Variants in MKLN1 observed in about 807,000 individuals in gnomAD.
MKLN1 encodes muskelin 1.
Under a neutral mutation model 99.0 loss-of-function variants are expected in MKLN1, and 18 were observed. The ratio of observed to expected loss-of-function variants is 0.18; its 90% CI spans 0.13 to 0.27. The LOEUF (loss-of-function observed/expected upper bound fraction) is 0.27. MKLN1 is among the 10% of genes least tolerant of loss of function. The pLI is 1.00. For synonymous variants in MKLN1, 288 were observed against 293.2 expected, an observed-to-expected ratio of 0.98 and a Z score of 0.18; for missense variants, 621 against 875.9, an observed-to-expected ratio of 0.71 and a Z score of 3.67.
At chr7:131,194,192 A>AT (rs1256860471) in intron 2 of MKLN1, among the ~76,000 whole-genome samples, 1 of 152,006 alleles carries the variant, frequency 6.6e-6, no homozygotes, top group Non-Finnish European at 1.5e-5. Flanking sequence ...CATTTAGTAT[A>AT]TTTACAACAT....
rs1268119508 is a variant in MKLN1 at position 131,489,194 on chromosome 7, G to A, written c.*1466G>A. The A allele has an allele frequency of 1.3e-5, 2 of 152,064 alleles. No individual in the cohort carries two copies. Among genetic ancestry groups the A allele is most frequent in the African/African-American group, 4.8e-5 (2 of 41,420 alleles). 9.4% of individuals were successfully genotyped at this position (152,064 alleles called of 1,614,324 possible). On this transcript the variant is annotated 3_prime_UTR_variant, in exon 18 of 18. Transcript: ENST00000352689. ...ACCATGTATAGGAATGAAACATTGA[G>A]GTCCCACTTTATTCTGTCTTTAGTA...
At chr7:131,146,123 A>T (rs895671330) in intron 2 of MKLN1, among the ~76,000 whole-genome samples, 1 of 152,204 alleles carries the variant, frequency 6.6e-6, no homozygotes, top group African/African-American at 2.4e-5. Context: ...ACACCTTGGT[A>T]CAAAGCAGAT....
chr7:131,449,721 T>A (rs1796123778), intron 12 of MKLN1, among the ~76,000 whole-genome samples: 1 of 152,090 alleles, frequency 6.6e-6, no homozygotes, highest in East Asian at 1.9e-4. Context: ...TTTTCCCATG[T>A]CCCTTTTACT....
chr7:131,406,484 T>G (rs1794711017), intron 6 of MKLN1, among the ~76,000 whole-genome samples: 1 of 152,058 alleles, frequency 6.6e-6, no homozygotes, highest in South Asian at 2.1e-4. Flanking sequence ...TCTATTGTTG[T>G]CATTTATTTT....
rs535391744 is a variant in MKLN1 at position 131,451,286 on chromosome 7, G to A, written c.1525+5383G>A. ...AGATTTTTTACTACAGTTAATTACT[G>A]TAATTTGAGATGGACTTAACATATA... is the stretch of plus-strand genomic sequence containing the variant. On this transcript the variant is annotated intron_variant, in intron 12 of 17. Coordinates refer to ENST00000352689, the MANE Select transcript of MKLN1 (RefSeq NM_013255.5). 9.2e-5 allele frequency among the ~76,000 whole-genome samples: 14 copies of A among 152,014 alleles called. No homozygotes were observed. In the South Asian group the frequency reaches 2.1e-3, roughly 23 times the overall value.
intron 3 of MKLN1, among the ~76,000 whole-genome samples, chr7:131,215,835 C>T (rs1463739312): frequency 6.6e-6 from 1 of 152,154 alleles, no homozygotes; most frequent in African/African-American, 2.4e-5. Context: ...ATCATTCCTT[C>T]ATGTAAAGCC....
intron 3 of MKLN1, among the ~76,000 whole-genome samples, chr7:131,212,568 T>C (rs945678786): frequency 1.4e-4 from 21 of 152,208 alleles, no homozygotes; most frequent in Non-Finnish European, 8.8e-5. Context: ...ACATCTTCAT[T>C]ATAAAATATT....
intron 3 of MKLN1, among the ~76,000 whole-genome samples, chr7:131,281,183 A>T (rs1798045712): frequency 6.6e-6 from 1 of 150,640 alleles, no homozygotes; most frequent in Admixed American, 6.6e-5. Flanking sequence ...TCATGCATTT[A>T]GGCCTATGAT....
At chr7:131,169,759 T>C (rs1292616161) in intron 2 of MKLN1, among the ~76,000 whole-genome samples, 1 of 152,242 alleles carries the variant, frequency 6.6e-6, no homozygotes, top group Non-Finnish European at 1.5e-5. Flanking sequence ...TTCCATTTAA[T>C]AACTCATTTA....
At chr7:131,373,131 T>TA (rs1236169668) in intron 1 of MKLN1, among the ~76,000 whole-genome samples, 5 of 152,060 alleles carry the variant, frequency 3.3e-5, no homozygotes, top group Non-Finnish European at 5.9e-5. Flanking sequence ...CCTGAAAAGT[T>TA]ACATTAATTT....
intron 1 of MKLN1, among the ~76,000 whole-genome samples, chr7:131,341,806 A>G (rs562215725): frequency 6.6e-6 from 1 of 152,240 alleles, no homozygotes; most frequent in Non-Finnish European, 1.5e-5. Flanking sequence ...AGTTCATAGT[A>G]GGTTGGTGCT....
chr7:131,226,717 G>T (rs1268158738), intron 3 of MKLN1, among the ~76,000 whole-genome samples: 1 of 152,190 alleles, frequency 6.6e-6, no homozygotes, highest in African/African-American at 2.4e-5. Context: ...TTCCTGGCCA[G>T]TACAGAAGGA....
At chr7:131,211,052 A>G (rs570569899) in intron 3 of MKLN1, among the ~76,000 whole-genome samples, 15 of 152,026 alleles carry the variant, frequency 9.9e-5, no homozygotes, top group African/African-American at 3.4e-4. Flanking sequence ...CCTATATGAC[A>G]CAGTGTTCAT....
chr7:131,485,855 G>C (rs1397895733), intron 17 of MKLN1, among the ~76,000 whole-genome samples: 3 of 152,036 alleles, frequency 2.0e-5, no homozygotes, highest in Non-Finnish European at 4.4e-5. Flanking sequence ...AATGCAGTGT[G>C]TGATCTTGGA....
intron 2 of MKLN1, among the ~76,000 whole-genome samples, chr7:131,157,068 T>C (rs1795979877): frequency 6.6e-6 from 1 of 152,136 alleles, no homozygotes; most frequent in African/African-American, 2.4e-5. Flanking sequence ...TCCTACAGGA[T>C]CAAATGTTCT....
At chr7:131,375,300 G>C (rs1002519218) in intron 1 of MKLN1, 124 bp from the exon 2 acceptor site, 5 of 616,918 alleles carry the variant, frequency 8.1e-6, no homozygotes, top group Non-Finnish European at 1.5e-5. Flanking sequence ...ACTCTGTTTT[G>C]TTTTCTATTC....
At chr7:131,353,795 A>G (rs144534071) in intron 1 of MKLN1, among the ~76,000 whole-genome samples, 5 of 146,804 alleles carry the variant, frequency 3.4e-5, no homozygotes, top group Admixed American at 6.9e-5. Context: ...TTAATGAAGT[A>G]TGAGTTTTAG....
intron 1 of MKLN1, among the ~76,000 whole-genome samples, chr7:131,370,469 T>C (rs1398638603): frequency 6.6e-6 from 1 of 152,070 alleles, no homozygotes; most frequent in African/African-American, 2.4e-5. Context: ...CTATTCTTTT[T>C]TTTTTTTTTA....
At chr7:131,281,936 G>A (rs1700609643) in intron 3 of MKLN1, among the ~76,000 whole-genome samples, 1 of 152,036 alleles carries the variant, frequency 6.6e-6, no homozygotes, top group African/African-American at 2.4e-5. Flanking sequence ...GCCTCCCAGA[G>A]TGCTGGGATT....
Sources: gnomAD v4.1 joint callset for allele counts (sites outside exome capture counted in the v4.1 genomes callset) on GRCh38, gnomAD v4.1.1 for gene constraint, MANE v1.5 for transcripts, NCBI Gene and HGNC (gene_info 2026-07-23, HGNC 2026-07-21) for gene names.